Variants in DYRK1A observed in about 807,000 individuals in gnomAD.
The protein encoded by DYRK1A is dual specificity tyrosine-phosphorylation-regulated kinase 1A.
DYRK1A carries 9 observed loss-of-function variants against 79.7 expected under a neutral mutation model. The observed-to-expected ratio is 0.11, with a 90% CI of 0.07 to 0.20. The LOEUF is 0.20. Among genes scored for constraint, DYRK1A ranks in the 10% least tolerant of loss-of-function variants. DYRK1A has a pLI of 1.00. For missense variants in DYRK1A, 622 were observed against 956.0 expected (o/e 0.65, Z 4.61); for synonymous variants, 349 against 329.7 (o/e 1.06, Z -0.63).
chr21:37,416,060 A>G (rs1453347759), intron 1 of DYRK1A, among the ~76,000 whole-genome samples: 3 of 152,128 alleles, frequency 2.0e-5, no homozygotes, highest in Non-Finnish European at 4.4e-5. Context: ...GTGAACTTTA[A>G]TGTGGGACCA....
chr21:37,494,740 G>A (rs1569383420), intron 8 of DYRK1A, among the ~76,000 whole-genome samples: 2 of 152,036 alleles, frequency 1.3e-5, no homozygotes, highest in African/African-American at 4.8e-5. Flanking sequence ...TTGAGGTCAG[G>A]AGTTCGAGAC....
At chr21:37,505,637 C>T (rs779589977) in intron 10 of DYRK1A, 48 bp downstream of exon 10, 2 of 1,508,554 alleles carry the variant, frequency 1.3e-6, no homozygotes, top group African/African-American at 2.8e-5. Flanking sequence ...TTTGTGTTTT[C>T]TTTATGAAGT....
chr21:37,467,710 G>A lies in DYRK1A; in HGVS notation c.11-4974G>A, dbSNP rs73400113. Among the ~76,000 whole-genome samples the A allele has an allele frequency of 4.2e-3, 643 of 152,244 alleles. 4 individuals carry two copies. The highest frequency in any genetic ancestry group is 0.015 in the African/African-American group (603 of 41,536). ...GTAGAAGGAAACTTTGTTAATCTGG[G>A]AATAGTATCTGTTAAAAACCTGCAG... On this transcript the variant is annotated intron_variant, in intron 2 of 11. Transcript: ENST00000647188.
At chr21:37,371,655 AT>A (rs891588833) in intron 1 of DYRK1A, among the ~76,000 whole-genome samples, 3 of 151,584 alleles carry the variant, frequency 2.0e-5, no homozygotes, top group African/African-American at 7.3e-5. Flanking sequence ...AAGTTACATA[AT>A]TTTTTTTTGG....
At position 37,513,587 on chromosome 21, in the gene DYRK1A, A is replaced by G. The variant is rs893968688; in HGVS notation, c.*1056A>G. 6.6e-6 allele frequency: 1 copy of G among 152,604 alleles called. No homozygotes were observed. The highest frequency in any genetic ancestry group is 1.5e-5 in the Non-Finnish European group (1 of 68,032). The allele number at this position is 152,604 out of a possible 1,614,324, so 9.5% of individuals were successfully genotyped here. On this transcript the variant is annotated 3_prime_UTR_variant, in exon 12 of 12. Transcript: ENST00000647188. ...CTTCCTTATTGGTTGAAGGTCACAG[A>G]AGTAGTGGTTTGCTTTGATGGAAAT...
intron 11 of DYRK1A, among the ~76,000 whole-genome samples, chr21:37,509,867 T>G (rs568032956): frequency 6.6e-6 from 1 of 152,350 alleles, no homozygotes; most frequent in African/African-American, 2.4e-5. Flanking sequence ...TCCAAAAATA[T>G]AAAGTGGAAA....
chr21:37,420,434 A>C, intron 2 of DYRK1A, 50 bp downstream of exon 2: 1 of 1,593,366 alleles, frequency 6.3e-7, no homozygotes, highest in Non-Finnish European at 8.6e-7. Context: ...AGAATGTGGG[A>C]ATCGATGGTC....
At chr21:37,483,189 A>G (rs1400185337) in intron 5 of DYRK1A, among the ~76,000 whole-genome samples, 1 of 152,274 alleles carries the variant, frequency 6.6e-6, no homozygotes, top group African/African-American at 2.4e-5. Context: ...TAGAGATTGC[A>G]GTAAAGACAG....
chr21:37,446,107 GA>G (rs35633501), intron 2 of DYRK1A, among the ~76,000 whole-genome samples: 44,675 of 151,994 alleles, frequency 0.29, 6,704 homozygotes, highest in South Asian at 0.37. Context: ...TGATGTGCAG[GA>G]AAATGTATTG....
At chr21:37,400,252 GC>G (rs1398669314) in intron 1 of DYRK1A, among the ~76,000 whole-genome samples, 1 of 152,100 alleles carries the variant, frequency 6.6e-6, no homozygotes, top group East Asian at 1.9e-4. Context: ...GGCATTTAGG[GC>G]CCACCTTGAT....
At chr21:37,447,165 T>C (rs1399094488) in intron 2 of DYRK1A, among the ~76,000 whole-genome samples, 2 of 152,128 alleles carry the variant, frequency 1.3e-5, no homozygotes, top group African/African-American at 4.8e-5. Flanking sequence ...AGGAGGTGAG[T>C]TGAGTGAGAC....
chr21:37,457,735 T>C (rs1005652374), intron 2 of DYRK1A, among the ~76,000 whole-genome samples: 1 of 152,214 alleles, frequency 6.6e-6, no homozygotes, highest in Non-Finnish European at 1.5e-5. Flanking sequence ...AAAAATATCT[T>C]GTATGTTTAA....
chr21:37,376,455 G>C (rs1030853586), intron 1 of DYRK1A, among the ~76,000 whole-genome samples: 1 of 152,274 alleles, frequency 6.6e-6, no homozygotes, highest in East Asian at 1.9e-4. Flanking sequence ...GTTGCAGTGG[G>C]CTGAGATCGT....
At chr21:37,492,090 G>A (rs963429145) in intron 7 of DYRK1A, among the ~76,000 whole-genome samples, 1 of 152,194 alleles carries the variant, frequency 6.6e-6, no homozygotes, top group African/African-American at 2.4e-5. Context: ...GAGTGTTTGG[G>A]CCTAGGGAGT....
At chr21:37,462,958 A>G (rs903708590) in intron 2 of DYRK1A, among the ~76,000 whole-genome samples, 3 of 152,212 alleles carry the variant, frequency 2.0e-5, no homozygotes, top group Non-Finnish European at 4.4e-5. Context: ...TACTCTACAA[A>G]GGTCATAAGT....
intron 1 of DYRK1A, among the ~76,000 whole-genome samples, chr21:37,387,564 A>G (rs1054013142): frequency 6.6e-6 from 1 of 152,180 alleles, no homozygotes; most frequent in Non-Finnish European, 1.5e-5. Context: ...TAGAGCCTCA[A>G]TCAAACTGCT....
chr21:37,480,782 C>T lies in DYRK1A; in HGVS notation c.445C>T (p.Arg149Cys), dbSNP rs1430485659. Reference sequence around the variant, plus strand: ...AAAAAACGGAGAAAAGTGGATGGATCGTTACGAAATTGACTCCTTGATAGG... The same window carrying T: ...AAAAAACGGAGAAAAGTGGATGGATTGTTACGAAATTGACTCCTTGATAGG... ...IVKNGEKWMD[R>C]YEIDSLIGKG... The change falls in exon 5 of 12, where the codon CGT becomes TGT. Residue 149 changes from arginine (R) to cysteine (C), a missense_variant. Arg to Cys is a radical substitution (Grantham distance 180). This residue lies in a region of DYRK1A where 138 missense variants were observed against 346.4 expected (regional missense o/e 0.40). Transcript: ENST00000647188. The T allele has an allele frequency of 5.0e-6, 8 of 1,608,604 alleles. No homozygotes were observed. The highest frequency in any genetic ancestry group is 3.4e-5 in the Admixed American group (2 of 59,036).
intron 5 of DYRK1A, among the ~76,000 whole-genome samples, chr21:37,483,493 A>AG (rs1223830480): frequency 6.6e-6 from 1 of 152,180 alleles, no homozygotes; most frequent in Non-Finnish European, 1.5e-5. Context: ...AATTACACAT[A>AG]ATCCAGGGAC....
At chr21:37,507,498 C>T (rs113198012) in intron 11 of DYRK1A, among the ~76,000 whole-genome samples, 5 of 151,898 alleles carry the variant, frequency 3.3e-5, no homozygotes, top group African/African-American at 1.2e-4. Context: ...AGGTCCTGCC[C>T]TCCAACTCTC....
Sources: gnomAD v4.1 joint callset for allele counts (sites outside exome capture counted in the v4.1 genomes callset) on GRCh38, gnomAD v4.1.1 for gene constraint, gnomAD v4.1.1 regional missense constraint, MANE v1.5 for transcripts, NCBI Gene and HGNC (gene_info 2026-07-23, HGNC 2026-07-21) for gene names.